Variants in OPCML observed in about 807,000 individuals in gnomAD.
The protein encoded by OPCML is opioid binding protein/cell adhesion molecule like, also known as opioid-binding protein/cell adhesion molecule.
A neutral mutation model predicts 37.8 loss-of-function variants in OPCML; 13 were observed. The observed-to-expected ratio is 0.34, with a 90% CI of 0.22 to 0.55. The LOEUF (loss-of-function observed/expected upper bound fraction) is 0.55, where lower values mean the gene tolerates loss of function less well. OPCML is among the 20% of genes least tolerant of loss of function. OPCML has a pLI of 0.91. For synonymous variants in OPCML, 176 were observed against 168.8 expected (o/e 1.04, Z -0.33); for missense variants, 341 against 435.6 (o/e 0.78, Z 1.93).
chr11:133,364,873 T>G (rs7929810), intron 1 of OPCML, among the ~76,000 whole-genome samples: 14,000 of 152,092 alleles, frequency 0.092, 725 homozygotes, highest in Admixed American at 0.15. Context: ...GGGGCCTGCT[T>G]AACCTTATTT....
intron 1 of OPCML, among the ~76,000 whole-genome samples, chr11:133,317,724 A>G (rs1004013841): frequency 1.3e-5 from 2 of 152,216 alleles, no homozygotes; most frequent in Non-Finnish European, 1.5e-5. Context: ...ACCAGATGAG[A>G]TAATTCAGCA....
chr11:132,687,583 T>A (rs1943222237), intron 2 of OPCML, among the ~76,000 whole-genome samples: 1 of 151,648 alleles, frequency 6.6e-6, no homozygotes, highest in Admixed American at 6.6e-5. Flanking sequence ...CTTTTCTTTT[T>A]TAATCCCTCA....
chr11:132,900,238 G>A (rs1316471211), intron 2 of OPCML, among the ~76,000 whole-genome samples: 1 of 151,982 alleles, frequency 6.6e-6, no homozygotes, highest in Admixed American at 6.6e-5. Context: ...TTTCTATTTC[G>A]ATGAATGTTC....
In OPCML at chr11:133,257,516, GC is replaced by G. The variant is rs1397633608; in HGVS notation, c.61+274747del. 2.0e-4 allele frequency among the ~76,000 whole-genome samples: 30 copies of G among 152,286 alleles called. No individual in the cohort carries two copies. In the East Asian group the frequency reaches 5.8e-3, roughly 29 times the overall value. ...GGCTGCTTCATCCATAGATGCCTAG[GC>G]CTCTCTCTGCTCCTGTGGCCCCTGG... On this transcript the variant is annotated intron_variant, in intron 1 of 7. Transcript: ENST00000524381.
chr11:132,859,395 C>T (rs535175689), intron 2 of OPCML: 1 of 152,306 alleles, frequency 6.6e-6, no homozygotes, highest in African/African-American at 2.4e-5. Flanking sequence ...ATTTCAATTG[C>T]CTGGACTGTA....
intron 1 of OPCML, among the ~76,000 whole-genome samples, chr11:133,304,068 C>T (rs1245902952): frequency 1.3e-5 from 2 of 152,148 alleles, no homozygotes; most frequent in Non-Finnish European, 2.9e-5. Context: ...GCGTACTGTC[C>T]TTTCTATTTT....
intron 1 of OPCML, among the ~76,000 whole-genome samples, chr11:133,159,390 G>A (rs1436237280): frequency 6.6e-6 from 1 of 152,182 alleles, no homozygotes; most frequent in Non-Finnish European, 1.5e-5. Context: ...GTGGCAAGAA[G>A]CTATGTGCTT....
Position 133,118,007 on chromosome 11 carries a change from T to C in OPCML, c.62-174997A>G, listed in dbSNP as rs1271444205. On this transcript the variant is annotated intron_variant, in intron 1 of 7. Transcript: ENST00000524381. The stretch of plus-strand genomic sequence containing the variant: ...GGAGACATCAAATAGCAGCTTTTGT[T>C]TTCAACCTGAGTCTACAGGGGTGTG... The C allele has an allele frequency of 7.8e-6, 7 of 898,112 alleles. No individual in the cohort carries two copies. The East Asian group carries it at 7.2e-4, about 93-fold the overall frequency. The allele number at this position is 898,112 out of a possible 1,614,324, so 55.6% of individuals were successfully genotyped here. A position where few individuals can be genotyped will look rare whatever the true frequency, so the allele number is the denominator to read the frequency against.
chr11:133,115,853 CTTATA>C (rs147110181), intron 1 of OPCML, among the ~76,000 whole-genome samples: 18,789 of 151,996 alleles, frequency 0.12, 1,240 homozygotes, highest in East Asian at 0.23. Context: ...TGTTTACTTC[CTTATA>C]TAAGTAATTG....
At chr11:133,521,210 A>G (rs1405728121) in intron 1 of OPCML, among the ~76,000 whole-genome samples, 1 of 152,132 alleles carries the variant, frequency 6.6e-6, no homozygotes, top group Non-Finnish European at 1.5e-5. Context: ...TAGGCAAAAC[A>G]GTTCTTTTGG....
At chr11:132,544,097 T>C (rs986667069) in intron 3 of OPCML, among the ~76,000 whole-genome samples, 3 of 152,180 alleles carry the variant, frequency 2.0e-5, no homozygotes, top group African/African-American at 7.2e-5. Flanking sequence ...GTGTCTGGTA[T>C]ATTCAATACC....
At chr11:132,928,869 A>G (rs909040262) in intron 2 of OPCML, among the ~76,000 whole-genome samples, 3 of 152,054 alleles carry the variant, frequency 2.0e-5, no homozygotes, top group Admixed American at 1.3e-4. Flanking sequence ...CAAACAATCA[A>G]TGAATAAAAA....
chr11:133,316,452 G>C (rs1004432091), intron 1 of OPCML, among the ~76,000 whole-genome samples: 1 of 152,096 alleles, frequency 6.6e-6, no homozygotes, highest in Non-Finnish European at 1.5e-5. Flanking sequence ...CACAGGGAGG[G>C]GAACATCACA....
intron 3 of OPCML, among the ~76,000 whole-genome samples, chr11:132,558,333 CT>C (rs2096401512): frequency 1.9e-5 from 1 of 51,496 alleles, no homozygotes; most frequent in Non-Finnish European, 3.8e-5. Flanking sequence ...CTCTCCCCCC[CT>C]CCTCCTCTCC....
chr11:132,855,018 G>T (rs567035595), intron 2 of OPCML, among the ~76,000 whole-genome samples: 1 of 152,180 alleles, frequency 6.6e-6, no homozygotes, highest in African/African-American at 2.4e-5. Context: ...GACCAAAGCC[G>T]CTTTTGTAAA....
chr11:132,781,692 G>C (rs921194918), intron 2 of OPCML, among the ~76,000 whole-genome samples: 2 of 151,204 alleles, frequency 1.3e-5, no homozygotes, highest in East Asian at 3.9e-4. Context: ...ATGAGTCCCA[G>C]TCAAAGCTGT....
intron 1 of OPCML, among the ~76,000 whole-genome samples, chr11:133,018,321 G>A (rs1256569172): frequency 6.6e-6 from 1 of 152,184 alleles, no homozygotes; most frequent in African/African-American, 2.4e-5. Flanking sequence ...CAGTATATAT[G>A]TATGTATGTA....
At chr11:133,507,111 A>C (rs1948049643) in intron 1 of OPCML, among the ~76,000 whole-genome samples, 1 of 152,232 alleles carries the variant, frequency 6.6e-6, no homozygotes, top group African/African-American at 2.4e-5. Context: ...AAAACAGAGA[A>C]GACCGTTATC....
chr11:133,234,541 A>G (rs1420378960), intron 1 of OPCML, among the ~76,000 whole-genome samples: 1 of 152,276 alleles, frequency 6.6e-6, no homozygotes, highest in Non-Finnish European at 1.5e-5. Flanking sequence ...TAGACTGGGC[A>G]CAGGCCTCCT....
Sources: gnomAD v4.1 joint callset for allele counts (sites outside exome capture counted in the v4.1 genomes callset) on GRCh38, gnomAD v4.1.1 for gene constraint, MANE v1.5 for transcripts, NCBI Gene and HGNC (gene_info 2026-07-23, HGNC 2026-07-21) for gene names.